ITGAL: variants seen among roughly 807,000 people sequenced by gnomAD.
The protein encoded by ITGAL is integrin subunit alpha L.
A neutral mutation model predicts 138.4 loss-of-function variants in ITGAL; 68 were observed. The observed-to-expected ratio is 0.49, with a 90% CI of 0.40 to 0.60. The LOEUF (loss-of-function observed/expected upper bound fraction) is 0.60. ITGAL is among the 20% of genes least tolerant of loss of function. ITGAL has a pLI of 0.00. For missense variants in ITGAL, 1,256 were observed against 1,478.6 expected, an observed-to-expected ratio of 0.85 and a Z score of 2.47; for synonymous variants, 561 against 584.3, an observed-to-expected ratio of 0.96 and a Z score of 0.57.
Position 30,492,074 on chromosome 16 carries a change from G to A in ITGAL, c.1214-2138G>A, listed in dbSNP as rs528144521. 1.0e-3 allele frequency among the ~76,000 whole-genome samples: 152 copies of A among 152,212 alleles called. 1 individual carries two copies. The highest frequency in any genetic ancestry group is 1.7e-3 in the Non-Finnish European group (113 of 68,018). On this transcript the variant is annotated intron_variant, in intron 11 of 30. Coordinates refer to ENST00000356798, the MANE Select transcript of ITGAL (RefSeq NM_002209.3). ...GCACAGAGACCATCAGATGGGGTCA[G>A]TGACTCATCTCAGAGGATTCTTGCT...
rs765112791 is a variant in ITGAL, at chr16:30,489,295, T to G, written c.1122T>G (p.Ala374=). The change falls in exon 11 of 31, where the codon GCT becomes GCG. Residue 374 remains alanine, a synonymous_variant. Coordinates refer to ENST00000356798, the MANE Select transcript of ITGAL (RefSeq NM_002209.3). ...VVGAVGAKDW[A]GGFLDLKADL... ...GGGCAGTAGGAGCCAAGGACTGGGCTGGGGGCTTTCTTGACCTGAAGGCAG... is the reference window on the plus strand; with the variant it reads ...GGGCAGTAGGAGCCAAGGACTGGGCGGGGGGCTTTCTTGACCTGAAGGCAG... The G allele has an allele frequency of 1.9e-6, 3 of 1,613,830 alleles. No individual in the cohort carries two copies. The highest frequency in any genetic ancestry group is 1.7e-6 in the Non-Finnish European group (2 of 1,179,712).
chr16:30,512,586 GA>G lies in ITGAL; in HGVS notation c.2787-1171del, dbSNP rs771972585. On this transcript the variant is annotated intron_variant, in intron 24 of 30. Transcript: ENST00000356798. ...TGAGTGACAGAGTGAGACCCTGTGT[GA>G]AAAAAAAAAAAAAGGAAACTCAAAA... 2.0e-3 allele frequency among the ~76,000 whole-genome samples: 273 copies of G among 135,208 alleles called. 1 individual carries two copies. The highest frequency in any genetic ancestry group is 3.8e-3 in the Middle Eastern group (1 of 264). 88.7% of individuals were successfully genotyped at this position (135,208 alleles called of 152,430 possible). A position where few individuals can be genotyped will look rare whatever the true frequency, so the allele number is the denominator to read the frequency against.
intron 30 of ITGAL, among the ~76,000 whole-genome samples, chr16:30,520,734 C>T (rs943952307): frequency 6.6e-6 from 1 of 152,186 alleles, no homozygotes; most frequent in Non-Finnish European, 1.5e-5. Flanking sequence ...CTGTGAGGGC[C>T]TGGCAGGCCT....
At chr16:30,482,985 C>A (rs2151146493) in intron 7 of ITGAL, 1 of 152,252 alleles carries the variant, frequency 6.6e-6, no homozygotes, top group East Asian at 1.9e-4. Context: ...CACCACCATG[C>A]CTGGCTAATT....
chr16:30,510,410 G>A lies in ITGAL; in HGVS notation c.2558G>A (p.Arg853Lys). ...VSCEELPEES[R>K]LLSRALSCNV... ...TGCGAGGAGCTTCCTGAAGAGTCCA[G>A]GCTTCTGTCCAGGGCATTATCTTGC... Residue 853 changes from arginine (R) to lysine (K), a missense_variant, in exon 22 of 31, where the codon AGG becomes AAG. Arg to Lys is a conservative substitution (Grantham distance 26). Transcript: ENST00000356798. The A allele has an allele frequency of 1.2e-6, 2 of 1,613,708 alleles. No homozygotes were observed. Among genetic ancestry groups the A allele is most frequent in the Non-Finnish European group, 1.7e-6 (2 of 1,179,618 alleles).
At chr16:30,490,114 C>G (rs1249024350) in intron 11 of ITGAL, among the ~76,000 whole-genome samples, 1 of 150,768 alleles carries the variant, frequency 6.6e-6, no homozygotes, top group Non-Finnish European at 1.5e-5. Flanking sequence ...TTAATTCCAG[C>G]TACTCAGGGG....
Position 30,496,288 on chromosome 16 carries a change from A to G in ITGAL, c.1695A>G (p.Pro565=). 1 of 1,599,276 alleles carries G rather than the reference A, an allele frequency of 6.3e-7. No individual in the cohort carries two copies. The highest frequency in any genetic ancestry group is 8.5e-7 in the Non-Finnish European group (1 of 1,171,364). ...GGCACGGGGGGCTTAGTCCCCAGCC[A>G]AGTCAGGTGACGTATGCTGCCTGCC... ...NGRHGGLSPQ[P]SQRIEGTQVL... The change falls in exon 14 of 31, where the codon CCA becomes CCG. Residue 565 remains proline, a synonymous_variant. Coordinates refer to ENST00000356798, the MANE Select transcript of ITGAL (RefSeq NM_002209.3).
In ITGAL at chr16:30,521,645, A is replaced by T. The variant is rs2051256052; in HGVS notation, c.3493A>T (p.Ser1165Cys). The part of the protein sequence containing the change: ...LKPLHEKDSE[S>C]GGGKD The stretch of plus-strand genomic sequence containing the variant: ...GCCCCTCCATGAGAAGGACTCTGAG[A>T]GTGGTGGTGGCAAGGACTGAGTCCA... Residue 1165 changes from serine to cysteine, a missense_variant, in exon 31 of 31, where the codon AGT (serine) becomes TGT (cysteine). Ser to Cys is a moderately radical substitution (Grantham distance 112). This residue lies in a region of ITGAL where 867 missense variants were observed against 972.5 expected (regional missense o/e 0.89). Coordinates refer to ENST00000356798, the MANE Select transcript of ITGAL (RefSeq NM_002209.3). 1 of 1,613,824 alleles carries T rather than the reference A, an allele frequency of 6.2e-7. No homozygotes were observed. The highest frequency in any genetic ancestry group is 8.5e-7 in the Non-Finnish European group (1 of 1,180,018).
At chr16:30,484,341 G>C in intron 9 of ITGAL, 78 bp downstream of exon 9, 1 of 1,390,920 alleles carries the variant, frequency 7.2e-7, no homozygotes, top group Admixed American at 2.0e-5. Flanking sequence ...GGGCTTGGTG[G>C]CTCACACCTG....
chr16:30,489,076 C>G lies in ITGAL; in HGVS notation c.1007-6C>G. 1 of 1,612,822 alleles carries G rather than the reference C, an allele frequency of 6.2e-7. No individual in the cohort carries two copies. Among genetic ancestry groups the G allele is most frequent in the East Asian group, 2.2e-5 (1 of 44,876 alleles). The stretch of plus-strand genomic sequence containing the variant: ...GGTCTCACCTGTTCTCTGCTTTGTT[C>G]CCCAGGCACAAGCAAACAGGACCTG... On this transcript the variant is annotated splice_region_variant and splice_polypyrimidine_tract_variant and intron_variant, in intron 9 of 30. Transcript: ENST00000356798.
At chr16:30,476,396 C>T (rs1012504547) in intron 4 of ITGAL, among the ~76,000 whole-genome samples, 4 of 151,962 alleles carry the variant, frequency 2.6e-5, no homozygotes, top group African/African-American at 9.7e-5. Flanking sequence ...CATTGATATG[C>T]AATATGATTT....
chr16:30,500,017 G>T (rs1218686955), intron 17 of ITGAL, among the ~76,000 whole-genome samples: 1 of 148,976 alleles, frequency 6.7e-6, no homozygotes, highest in African/African-American at 2.5e-5. Flanking sequence ...CCAAAGTGCT[G>T]GGATTACAGG....
chr16:30,481,345 T>TAAA (rs57608894), intron 6 of ITGAL, 94 bp from the exon 7 acceptor site: 24 of 449,316 alleles, frequency 5.3e-5, no homozygotes, highest in African/African-American at 1.6e-4. Context: ...AAACTCCATC[T>TAAA]AAAAAAAAAA....
At chr16:30,503,553 G>A in intron 17 of ITGAL, among the ~76,000 whole-genome samples, 1 of 149,780 alleles carries the variant, frequency 6.7e-6, no homozygotes, top group Non-Finnish European at 1.5e-5. Flanking sequence ...AAGGGAGGGA[G>A]GGAGGGAGGC....
chr16:30,496,808 A>T (rs1442797516), intron 15 of ITGAL, among the ~76,000 whole-genome samples: 7 of 137,848 alleles, frequency 5.1e-5, no homozygotes, highest in African/African-American at 5.4e-5. Flanking sequence ...CACCTGGCTA[A>T]TTTTTTTTTT....
At chr16:30,516,921 C>A (rs1223801753) in intron 25 of ITGAL, 52 bp from the exon 26 acceptor site, 2 of 1,263,664 alleles carry the variant, frequency 1.6e-6, no homozygotes, top group East Asian at 2.3e-5. Context: ...GTCTGGGGGG[C>A]AGCTGGGGTG....
chr16:30,516,910 G>C, intron 25 of ITGAL, 63 bp from the exon 26 acceptor site: 1 of 1,148,284 alleles, frequency 8.7e-7, no homozygotes, highest in Admixed American at 1.7e-5. Flanking sequence ...GGGCACACAG[G>C]GTCTGGGGGG....
chr16:30,518,556 T>C, intron 28 of ITGAL, 68 bp from the exon 29 acceptor site: 1 of 1,059,798 alleles, frequency 9.4e-7, no homozygotes, highest in Non-Finnish European at 1.5e-6. Flanking sequence ...TGTGTTGTGG[T>C]GGGGGCAAAA....
At position 30,489,664 on chromosome 16, in the gene ITGAL, A is replaced by G. The variant is rs4630562; in HGVS notation, c.1213+278A>G. Among the ~76,000 whole-genome samples, 97,464 of 152,058 alleles carry G rather than the reference A, an allele frequency of 0.64. 32,089 individuals are homozygous for G. Among genetic ancestry groups the G allele is most frequent in the East Asian group, 0.99 (5,126 of 5,184 alleles). On this transcript the variant is annotated intron_variant, in intron 11 of 30. Coordinates refer to ENST00000356798, the MANE Select transcript of ITGAL (RefSeq NM_002209.3). ...GTGAATATGCCTTGTAGCTGGTCCT[A>G]GTGGCTCATGCCTGTAATCCCAGCA...
Sources: allele counts gnomAD v4.1 joint callset (sites outside exome capture counted in the v4.1 genomes callset), GRCh38; gene constraint gnomAD v4.1.1; regional missense constraint gnomAD v4.1.1; transcripts MANE v1.5; gene names NCBI Gene and HGNC (gene_info 2026-07-23, HGNC 2026-07-21).